Variants in ASCC1 observed in about 807,000 individuals in gnomAD.
ASCC1 encodes ASC-1 complex subunit P50.
A neutral mutation model predicts 46.6 loss-of-function variants in ASCC1; 35 were observed. That is an observed-to-expected ratio of 0.75 (90% CI 0.57 to 0.99). The LOEUF (loss-of-function observed/expected upper bound fraction) is 0.99, where lower values mean the gene tolerates loss of function less well. ASCC1 is among the 50% of genes least tolerant of loss of function. ASCC1 has a pLI of 0.00. For missense variants in ASCC1, 376 were observed against 428.7 expected (o/e 0.88, Z 1.09); for synonymous variants, 143 against 146.6 (o/e 0.98, Z 0.18).
intron 2 of ASCC1, among the ~76,000 whole-genome samples, chr10:72,211,706 C>T (rs1253344605): frequency 6.6e-6 from 1 of 151,916 alleles, no homozygotes; most frequent in African/African-American, 2.4e-5. Context: ...ACCTGTAGTC[C>T]CAGCTACTCA....
intron 6 of ASCC1, among the ~76,000 whole-genome samples, chr10:72,159,762 T>A (rs898995312): frequency 6.6e-6 from 1 of 152,194 alleles, no homozygotes; most frequent in Non-Finnish European, 1.5e-5. Flanking sequence ...CAAGAAGTGT[T>A]CTTTGCTCTC....
At chr10:72,192,581 T>C (rs745495980) in intron 5 of ASCC1, among the ~76,000 whole-genome samples, 3 of 152,140 alleles carry the variant, frequency 2.0e-5, no homozygotes, top group Non-Finnish European at 4.4e-5. Context: ...GCAACCTCCA[T>C]CTCCTGGGAT....
chr10:72,161,148 C>T (rs1473526307), intron 6 of ASCC1, among the ~76,000 whole-genome samples: 2 of 148,652 alleles, frequency 1.3e-5, no homozygotes, highest in Admixed American at 6.7e-5. Context: ...CCTAGAGAAT[C>T]GTGTTATAAT....
intron 5 of ASCC1, among the ~76,000 whole-genome samples, chr10:72,171,701 G>A (rs1333618799): frequency 6.6e-6 from 1 of 152,154 alleles, no homozygotes; most frequent in Admixed American, 6.5e-5. Context: ...ACATGCGTGA[G>A]CCACCGCGCC....
Position 72,197,016 on chromosome 10 carries a change from T to C in ASCC1, c.311-27A>G, listed in dbSNP as rs761323613. 4 of 1,612,038 alleles carry C rather than the reference T, an allele frequency of 2.5e-6. No individual in the cohort carries two copies. The African/African-American group carries it at 5.3e-5, about 22-fold the overall frequency. ...TGTAAACAAAGAAGAAAGGGTAAACTGCTCAAGGACCCCCAAATGCTTATA... is the reference window on the plus strand; with the variant it reads ...TGTAAACAAAGAAGAAAGGGTAAACCGCTCAAGGACCCCCAAATGCTTATA... On this transcript the variant is annotated intron_variant, in intron 4 of 9. Coordinates refer to ENST00000672957, the MANE Select transcript of ASCC1 (RefSeq NM_001198800.3).
intron 9 of ASCC1, among the ~76,000 whole-genome samples, chr10:72,120,207 G>A (rs1025331031): frequency 2.0e-5 from 3 of 152,108 alleles, no homozygotes; most frequent in South Asian, 4.1e-4. Flanking sequence ...CAGCCTGGGC[G>A]ACAGAGTGAG....
At chr10:72,208,473 T>C (rs1857540763) in intron 3 of ASCC1, among the ~76,000 whole-genome samples, 1 of 152,058 alleles carries the variant, frequency 6.6e-6, no homozygotes, top group South Asian at 2.1e-4. Flanking sequence ...AATGAAAACA[T>C]TTGTGGCCGG....
chr10:72,179,177 T>C (rs904606361), intron 5 of ASCC1, among the ~76,000 whole-genome samples: 7 of 152,190 alleles, frequency 4.6e-5, no homozygotes, highest in African/African-American at 1.7e-4. Flanking sequence ...GGCTAATTTT[T>C]GTATGTTTTG....
intron 7 of ASCC1, chr10:72,133,876 T>C (rs1458949072): frequency 6.5e-6 from 1 of 153,200 alleles, no homozygotes; most frequent in Non-Finnish European, 1.5e-5. Context: ...TTTTATCTGT[T>C]AAATCATTTA....
At chr10:72,163,635 T>G (rs776192726) in intron 5 of ASCC1, among the ~76,000 whole-genome samples, 2 of 151,742 alleles carry the variant, frequency 1.3e-5, no homozygotes, top group Non-Finnish European at 2.9e-5. Context: ...CTACGGAGGC[T>G]GAGGCAGGAG....
intron 5 of ASCC1, among the ~76,000 whole-genome samples, chr10:72,193,503 C>A (rs12098424): frequency 0.14 from 20,738 of 151,302 alleles, 4,050 homozygotes; most frequent in African/African-American, 0.43. Context: ...GATAAAACTA[C>A]GGTGAAGAAG....
At position 72,213,320 on chromosome 10, in the gene ASCC1, T is replaced by C; in HGVS notation, c.-22A>G. 6.6e-7 allele frequency: 1 copy of C among 1,517,088 alleles called. No homozygotes were observed. The highest frequency in any genetic ancestry group is 1.1e-5 in the South Asian group (1 of 89,138). 94.0% of individuals were successfully genotyped at this position (1,517,088 alleles called of 1,614,324 possible). ...CCATGACACTTTCTCCAAATGATAT[T>C]CCAATTATGCCCTGAAAAATATAAT... On this transcript the variant is annotated 5_prime_UTR_variant, in exon 2 of 10. Coordinates refer to ENST00000672957, the MANE Select transcript of ASCC1 (RefSeq NM_001198800.3).
chr10:72,103,714 C>A (rs1469167612), intron 9 of ASCC1, among the ~76,000 whole-genome samples: 1 of 152,096 alleles, frequency 6.6e-6, no homozygotes, highest in Non-Finnish European at 1.5e-5. Flanking sequence ...TCGACAGATA[C>A]CCTCCCTTTG....
Position 72,182,080 on chromosome 10 carries a change from T to C in ASCC1, c.489+14731A>G, listed in dbSNP as rs544794752. 4.7e-4 allele frequency among the ~76,000 whole-genome samples: 71 copies of C among 152,238 alleles called. 3 individuals are homozygous for C. In the South Asian group the frequency reaches 0.014, roughly 30 times the overall value. ...TCGAGGAAATAATGACTGAAAATTA[T>C]ACAAAACTGGAGTGAAACAGCAAGA... On this transcript the variant is annotated intron_variant, in intron 5 of 9. Coordinates refer to ENST00000672957, the MANE Select transcript of ASCC1 (RefSeq NM_001198800.3).
intron 5 of ASCC1, among the ~76,000 whole-genome samples, chr10:72,175,010 T>G (rs1210955553): frequency 6.6e-6 from 1 of 152,262 alleles, no homozygotes; most frequent in African/African-American, 2.4e-5. Flanking sequence ...CTATACTCGT[T>G]GTATTTTCTT....
chr10:72,141,086 T>TAGAG (rs750282322), intron 7 of ASCC1, among the ~76,000 whole-genome samples: 1 of 122,114 alleles, frequency 8.2e-6, no homozygotes, highest in African/African-American at 3.0e-5. Context: ...GATAGATAGA[T>TAGAG]ATAGATATAG....
At chr10:72,102,044 T>G (rs1376237631) in intron 9 of ASCC1, among the ~76,000 whole-genome samples, 1 of 152,050 alleles carries the variant, frequency 6.6e-6, no homozygotes, top group Non-Finnish European at 1.5e-5. Context: ...GTACTGAGCT[T>G]AATACCTGAG....
chr10:72,097,175 G>A lies in ASCC1; in HGVS notation c.*159C>T, dbSNP rs535012340. 78 of 723,140 alleles carry A rather than the reference G, an allele frequency of 1.1e-4. 1 individual carries two copies. In the African/African-American group the frequency reaches 1.1e-3, roughly 10 times the overall value. 44.8% of individuals were successfully genotyped at this position (723,140 alleles called of 1,614,324 possible). A position where few individuals can be genotyped will look rare whatever the true frequency, so the allele number is the denominator to read the frequency against. The stretch of plus-strand genomic sequence containing the variant: ...CCACCATCTCAGCTGGTAGTATGAC[G>A]GGTGTAGACACCATTAGAGGCAATG... On this transcript the variant is annotated 3_prime_UTR_variant, in exon 10 of 10. Coordinates refer to ENST00000672957, the MANE Select transcript of ASCC1 (RefSeq NM_001198800.3).
intron 7 of ASCC1, among the ~76,000 whole-genome samples, chr10:72,145,671 C>T (rs1847543947): frequency 6.6e-6 from 1 of 152,168 alleles, no homozygotes; most frequent in African/African-American, 2.4e-5. Context: ...TAGAGAGCAT[C>T]GTTTTTCCCT....
Sources: gnomAD v4.1 joint callset for allele counts (sites outside exome capture counted in the v4.1 genomes callset) on GRCh38, gnomAD v4.1.1 for gene constraint, MANE v1.5 for transcripts, NCBI Gene and HGNC (gene_info 2026-07-23, HGNC 2026-07-21) for gene names.